GPC5: variants seen among roughly 807,000 people sequenced by gnomAD.
GPC5 encodes glypican-5.
GPC5 carries 47 observed loss-of-function variants against 53.9 expected under a neutral mutation model. The observed-to-expected ratio is 0.87, with a 90% CI of 0.69 to 1.11. The LOEUF (loss-of-function observed/expected upper bound fraction) is 1.11, where lower values mean the gene tolerates loss of function less well. Ranked by LOEUF, GPC5 falls within the 50% of genes most tolerant of loss-of-function variation. The probability of loss-of-function intolerance (pLI) is 0.00; values close to 1 mark genes in which losing one functional copy is unlikely to be tolerated. For synonymous variants in GPC5, 286 were observed against 263.3 expected, an observed-to-expected ratio of 1.09 and a Z score of -0.84; for missense variants, 748 against 713.1, an observed-to-expected ratio of 1.05 and a Z score of -0.56.
intron 2 of GPC5, among the ~76,000 whole-genome samples, chr13:91,496,813 G>A (rs951462317): frequency 2.0e-5 from 3 of 152,094 alleles, no homozygotes; most frequent in Non-Finnish European, 4.4e-5. Context: ...GAATGCTTGA[G>A]GGGATGGATA....
At chr13:92,076,144 C>G (rs1283353206) in intron 6 of GPC5, among the ~76,000 whole-genome samples, 2 of 151,302 alleles carry the variant, frequency 1.3e-5, no homozygotes, top group Non-Finnish European at 2.9e-5. Context: ...GGCGCTATCA[C>G]TGCAAGCTCC....
intron 2 of GPC5, among the ~76,000 whole-genome samples, chr13:91,483,794 A>G (rs148089103): frequency 5.3e-5 from 8 of 152,358 alleles, no homozygotes; most frequent in Non-Finnish European, 8.8e-5. Context: ...AAAATGATGT[A>G]TCATGAATCC....
intron 7 of GPC5, among the ~76,000 whole-genome samples, chr13:92,436,291 T>A (rs1027383321): frequency 1.4e-5 from 2 of 147,622 alleles, no homozygotes; most frequent in Non-Finnish European, 2.9e-5. Flanking sequence ...TATGAATGTA[T>A]GTTTTATGTG....
At chr13:91,571,658 G>A (rs1239713174) in intron 2 of GPC5, among the ~76,000 whole-genome samples, 1 of 151,384 alleles carries the variant, frequency 6.6e-6, no homozygotes, top group Non-Finnish European at 1.5e-5. Context: ...CCAGGAGGTG[G>A]AAATTGCAGT....
At chr13:91,461,745 G>A (rs994667908) in intron 2 of GPC5, among the ~76,000 whole-genome samples, 3 of 151,878 alleles carry the variant, frequency 2.0e-5, no homozygotes, top group African/African-American at 7.3e-5. Context: ...TTCTTTAAGC[G>A]TGTTATGGCA....
At chr13:91,571,245 AT>A in intron 2 of GPC5, among the ~76,000 whole-genome samples, 1 of 152,128 alleles carries the variant, frequency 6.6e-6, no homozygotes, top group East Asian at 1.9e-4. Flanking sequence ...GTATTTGGAG[AT>A]AAACATTTCT....
At chr13:91,880,483 T>C (rs1389806585) in intron 5 of GPC5, among the ~76,000 whole-genome samples, 2 of 152,186 alleles carry the variant, frequency 1.3e-5, no homozygotes, top group Non-Finnish European at 2.9e-5. Flanking sequence ...TATGTTTTGC[T>C]GTACCATTTT....
intron 7 of GPC5, among the ~76,000 whole-genome samples, chr13:92,492,357 G>A (rs139753159): frequency 1.3e-5 from 2 of 151,832 alleles, no homozygotes; most frequent in African/African-American, 2.4e-5. Flanking sequence ...GGTGGGAGAG[G>A]GGGGAGGGAT....
chr13:92,279,898 C>A (rs888215808), intron 7 of GPC5, among the ~76,000 whole-genome samples: 1 of 152,006 alleles, frequency 6.6e-6, no homozygotes, highest in Non-Finnish European at 1.5e-5. Context: ...ATTTTGATAT[C>A]GGTCGAATTC....
intron 6 of GPC5, among the ~76,000 whole-genome samples, chr13:91,961,999 CAAAGT>C (rs2139076142): frequency 6.6e-6 from 1 of 152,162 alleles, no homozygotes; most frequent in East Asian, 1.9e-4. Flanking sequence ...ATATCAAAGA[CAAAGT>C]AAAAGTAGCA....
At chr13:92,033,449 G>A (rs929980916) in intron 6 of GPC5, among the ~76,000 whole-genome samples, 3 of 152,036 alleles carry the variant, frequency 2.0e-5, no homozygotes, top group African/African-American at 7.2e-5. Context: ...ATTTACCACC[G>A]TCTTCTGTGT....
At chr13:92,065,902 A>T (rs2041163521) in intron 6 of GPC5, among the ~76,000 whole-genome samples, 1 of 152,122 alleles carries the variant, frequency 6.6e-6, no homozygotes, top group Admixed American at 6.6e-5. Flanking sequence ...ATATTCAAAT[A>T]ATTATATTGT....
At chr13:92,357,755 T>C (rs536036474) in intron 7 of GPC5, among the ~76,000 whole-genome samples, 3 of 151,380 alleles carry the variant, frequency 2.0e-5, no homozygotes, top group Non-Finnish European at 4.4e-5. Flanking sequence ...GTGCTACCCA[T>C]GTTTAGAGAA....
At chr13:91,714,583 G>A (rs565496735) in intron 3 of GPC5, among the ~76,000 whole-genome samples, 1 of 152,236 alleles carries the variant, frequency 6.6e-6, no homozygotes, top group South Asian at 2.1e-4. Flanking sequence ...GTGTGTAAAT[G>A]TGCTTATGTG....
intron 7 of GPC5, among the ~76,000 whole-genome samples, chr13:92,317,992 G>A (rs1471525540): frequency 6.6e-6 from 1 of 152,156 alleles, no homozygotes; most frequent in East Asian, 1.9e-4. Context: ...TATAGGTTTG[G>A]TGGTCTCCTA....
intron 5 of GPC5, among the ~76,000 whole-genome samples, chr13:91,894,476 C>T (rs953582544): frequency 8.5e-5 from 13 of 152,234 alleles, no homozygotes; most frequent in Admixed American, 6.5e-4. Context: ...CAACAACATA[C>T]GAGGAAAAGC....
At chr13:92,512,215 T>A (rs1880593144) in intron 7 of GPC5, among the ~76,000 whole-genome samples, 2 of 149,880 alleles carry the variant, frequency 1.3e-5, no homozygotes, top group South Asian at 4.3e-4. Context: ...TAGTAATTTT[T>A]TTTTATTTTG....
At chr13:92,159,838 G>A (rs1044850016) in intron 7 of GPC5, among the ~76,000 whole-genome samples, 2 of 151,558 alleles carry the variant, frequency 1.3e-5, no homozygotes, top group African/African-American at 2.4e-5. Context: ...TCCTGACCTC[G>A]TGATCTGCCC....
intron 7 of GPC5, among the ~76,000 whole-genome samples, chr13:92,234,154 A>G (rs556267197): frequency 3.3e-5 from 5 of 152,290 alleles, no homozygotes; most frequent in South Asian, 4.1e-4. Flanking sequence ...CATGATTTAT[A>G]ATCCTTTGGG....
Sources: gnomAD v4.1 joint callset for allele counts (sites outside exome capture counted in the v4.1 genomes callset) on GRCh38, gnomAD v4.1.1 for gene constraint, MANE v1.5 for transcripts, NCBI Gene and HGNC (gene_info 2026-07-23, HGNC 2026-07-21) for gene names.